Variants in KLHL1 observed in about 807,000 individuals in gnomAD.
KLHL1 encodes kelch like family member 1.
A neutral mutation model predicts 77.7 loss-of-function variants in KLHL1; 47 were observed. The observed-to-expected ratio is 0.60, with a 90% confidence interval of 0.48 to 0.77. The LOEUF is 0.77. KLHL1 is among the 30% of genes least tolerant of loss of function. The probability of loss-of-function intolerance (pLI) is 0.00; values close to 1 mark genes in which losing one functional copy is unlikely to be tolerated. For missense variants in KLHL1, 925 were observed against 910.8 expected, an observed-to-expected ratio of 1.02 and a Z score of -0.20; for synonymous variants, 360 against 325.2, an observed-to-expected ratio of 1.11 and a Z score of -1.15.
chr13:69,826,134 G>A (rs1269950272), intron 6 of KLHL1, among the ~76,000 whole-genome samples: 1 of 152,150 alleles, frequency 6.6e-6, no homozygotes, highest in African/African-American at 2.4e-5. Context: ...ACTCATAGAA[G>A]CAGAGAGTAG....
chr13:69,835,553 C>G (rs1031534654), intron 6 of KLHL1, among the ~76,000 whole-genome samples: 1 of 152,050 alleles, frequency 6.6e-6, no homozygotes, highest in Non-Finnish European at 1.5e-5. Flanking sequence ...TGACATGGCT[C>G]TAAGTTACTG....
At chr13:69,825,459 T>C (rs1878508336) in intron 6 of KLHL1, among the ~76,000 whole-genome samples, 1 of 152,160 alleles carries the variant, frequency 6.6e-6, no homozygotes, top group Non-Finnish European at 1.5e-5. Flanking sequence ...AAGAATAGTT[T>C]TGTCATGGGC....
intron 7 of KLHL1, among the ~76,000 whole-genome samples, 187 bp downstream of exon 7, chr13:69,796,551 A>G (rs1206365054): frequency 6.6e-6 from 1 of 152,188 alleles, no homozygotes; most frequent in East Asian, 1.9e-4. Context: ...AACTTTCACT[A>G]AAGGCCTAAT....
chr13:69,705,680 A>G (rs902615564), intron 10 of KLHL1, among the ~76,000 whole-genome samples: 3 of 151,738 alleles, frequency 2.0e-5, no homozygotes, highest in African/African-American at 7.2e-5. Context: ...TCTTAAAGTA[A>G]CTTAACAGTT....
intron 6 of KLHL1, among the ~76,000 whole-genome samples, chr13:69,804,892 C>A (rs576229049): frequency 6.6e-6 from 1 of 151,886 alleles, no homozygotes; most frequent in Non-Finnish European, 1.5e-5. Flanking sequence ...AGTTTAAAAT[C>A]AAAAAATTTT....
chr13:70,075,632 A>G (rs1256842425), intron 1 of KLHL1, among the ~76,000 whole-genome samples: 7 of 140,976 alleles, frequency 5.0e-5, no homozygotes, highest in African/African-American at 1.5e-4. Context: ...ATATATGTAT[A>G]TATATATAGG....
intron 1 of KLHL1, among the ~76,000 whole-genome samples, chr13:70,014,138 G>A (rs186520391): frequency 1.3e-5 from 2 of 151,902 alleles, no homozygotes; most frequent in Admixed American, 6.6e-5. Flanking sequence ...TGCTTCTCAG[G>A]TACTTATGTG....
At position 69,950,014 on chromosome 13, in the gene KLHL1, A is replaced by C. The variant is rs567684587; in HGVS notation, c.818-9778T>G. 1.1e-4 allele frequency among the ~76,000 whole-genome samples: 16 copies of C among 151,818 alleles called. No individual in the cohort carries two copies. In the South Asian group the frequency reaches 3.1e-3, roughly 30 times the overall value. ...AAACAGAATACAAATTCTACCCATG[A>C]AATTCTATAATCCTAGAGCTAATTA... On this transcript the variant is annotated intron_variant, in intron 3 of 10. Coordinates refer to ENST00000377844, the MANE Select transcript of KLHL1 (RefSeq NM_020866.3).
At chr13:70,024,657 T>TCTCTCTCTCTCTCG (rs1566508969) in intron 1 of KLHL1, among the ~76,000 whole-genome samples, 1 of 147,902 alleles carries the variant, frequency 6.8e-6, no homozygotes, top group Non-Finnish European at 1.5e-5. Context: ...TCTCTCTCTC[T>TCTCTCTCTCTCTCG]CTCGCTCTGG....
At chr13:69,971,739 C>T (rs1252615611) in intron 2 of KLHL1, among the ~76,000 whole-genome samples, 1 of 151,986 alleles carries the variant, frequency 6.6e-6, no homozygotes, top group African/African-American at 2.4e-5. Flanking sequence ...ATAATAATTT[C>T]CTTAATTATC....
At chr13:69,995,470 C>T (rs139954984) in intron 1 of KLHL1, among the ~76,000 whole-genome samples, 2 of 152,026 alleles carry the variant, frequency 1.3e-5, no homozygotes, top group Non-Finnish European at 2.9e-5. Flanking sequence ...TGCTCTCTCT[C>T]CAAGTTATTT....
At chr13:70,050,418 A>C (rs2137391178) in intron 1 of KLHL1, among the ~76,000 whole-genome samples, 1 of 151,952 alleles carries the variant, frequency 6.6e-6, no homozygotes, top group East Asian at 1.9e-4. Context: ...TGATATGTTC[A>C]GTTAAAAAAA....
In KLHL1 at chr13:69,716,336, AAGCACAAGAAT is replaced by A. The variant is rs200516143; in HGVS notation, c.2015+3022_2015+3032del. Among the ~76,000 whole-genome samples the A allele has an allele frequency of 6.0e-3, 909 of 152,254 alleles. 8 individuals are homozygous for A. The highest frequency in any genetic ancestry group is 0.021 in the African/African-American group (872 of 41,548). Reference sequence around the variant, plus strand: ...CCTATTCTGTGCCAGAAATTGTACCAAGCACAAGAATATAGAGATGGGTGGAAAGCTATCTT... The same window carrying A: ...CCTATTCTGTGCCAGAAATTGTACCAATAGAGATGGGTGGAAAGCTATCTT... On this transcript the variant is annotated intron_variant, in intron 9 of 10. Transcript: ENST00000377844.
intron 7 of KLHL1, among the ~76,000 whole-genome samples, chr13:69,749,940 A>G (rs186905703): frequency 1.1e-3 from 162 of 152,092 alleles, no homozygotes; most frequent in African/African-American, 3.6e-3. Context: ...CAAAATAATA[A>G]CAATGAAAAG....
At chr13:69,956,034 A>ATTTGATATATATTTATATATT (rs1883866947) in intron 3 of KLHL1, among the ~76,000 whole-genome samples, 1 of 136,722 alleles carries the variant, frequency 7.3e-6, no homozygotes, top group Admixed American at 7.9e-5. Context: ...ATTTATATAT[A>ATTTGATATATATTTATATATT]TTTATATATA....
intron 6 of KLHL1, among the ~76,000 whole-genome samples, chr13:69,820,956 G>A (rs76684834): frequency 0.041 from 6,167 of 152,256 alleles, 156 homozygotes; most frequent in Middle Eastern, 0.065. Flanking sequence ...AGTAAAAGTC[G>A]TAAGCTCTGT....
intron 4 of KLHL1, among the ~76,000 whole-genome samples, chr13:69,911,186 A>G (rs987170372): frequency 6.6e-6 from 1 of 151,694 alleles, no homozygotes; most frequent in Non-Finnish European, 1.5e-5. Flanking sequence ...ATTATTCACA[A>G]TTTTTATAAT....
chr13:69,715,420 C>T (rs1291754404), intron 9 of KLHL1, among the ~76,000 whole-genome samples: 1 of 152,092 alleles, frequency 6.6e-6, no homozygotes, highest in East Asian at 1.9e-4. Context: ...GACATGCCCG[C>T]TTCCCCTTCT....
At position 70,008,082 on chromosome 13, in the gene KLHL1, C is replaced by T. The variant is rs182870242; in HGVS notation, c.498-32280G>A. Among the ~76,000 whole-genome samples the T allele has an allele frequency of 5.0e-3, 755 of 152,118 alleles. 5 individuals are homozygous for T. The highest frequency in any genetic ancestry group is 0.017 in the African/African-American group (721 of 41,548). ...TGGTTTTCTGGAGTATCACAGTATA[C>T]ACTTTTTACAAGATTTCTAGCTGCA... On this transcript the variant is annotated intron_variant, in intron 1 of 10. Coordinates refer to ENST00000377844, the MANE Select transcript of KLHL1 (RefSeq NM_020866.3).
Sources: allele counts gnomAD v4.1 joint callset (sites outside exome capture counted in the v4.1 genomes callset), GRCh38; gene constraint gnomAD v4.1.1; transcripts MANE v1.5; gene names NCBI Gene and HGNC (gene_info 2026-07-23, HGNC 2026-07-21).